Variants in FER observed in about 807,000 individuals in gnomAD.
FER encodes FER tyrosine kinase.
A neutral mutation model predicts 111.0 loss-of-function variants in FER; 63 were observed. That is an observed-to-expected ratio of 0.57 (90% CI 0.46 to 0.70). FER has a LOEUF of 0.70. Among genes scored for constraint, FER ranks in the 30% least tolerant of loss-of-function variants. The pLI, the probability that FER is intolerant of heterozygous loss-of-function variation, is 0.00. For missense variants in FER, 914 were observed against 954.0 expected, an observed-to-expected ratio of 0.96 and a Z score of 0.55; for synonymous variants, 327 against 313.9, an observed-to-expected ratio of 1.04 and a Z score of -0.44.
At chr5:108,875,227 A>G (rs920600053) in intron 8 of FER, among the ~76,000 whole-genome samples, 22 of 152,144 alleles carry the variant, frequency 1.4e-4, no homozygotes, top group African/African-American at 2.2e-4. Flanking sequence ...GTCAAAGGCT[A>G]TTTCTCAGCT....
At chr5:108,907,808 G>T (rs1751004020) in intron 10 of FER, among the ~76,000 whole-genome samples, 1 of 151,788 alleles carries the variant, frequency 6.6e-6, no homozygotes, top group African/African-American at 2.4e-5. Flanking sequence ...TCTTCAGTTT[G>T]TTTTCTTTTC....
intron 17 of FER, among the ~76,000 whole-genome samples, chr5:109,140,243 C>T (rs1459471600): frequency 6.6e-6 from 1 of 152,104 alleles, no homozygotes; most frequent in Non-Finnish European, 1.5e-5. Context: ...CAGAATTTTA[C>T]CTGTACTAAA....
At chr5:109,022,458 A>G (rs1768058488) in intron 13 of FER, among the ~76,000 whole-genome samples, 2 of 152,162 alleles carry the variant, frequency 1.3e-5, no homozygotes, top group Admixed American at 6.6e-5. Context: ...GTTCTAGTGC[A>G]GAAGTCTTGA....
chr5:108,953,613 G>A (rs1758042138), intron 11 of FER, among the ~76,000 whole-genome samples: 1 of 151,828 alleles, frequency 6.6e-6, no homozygotes, highest in South Asian at 2.1e-4. Context: ...TCAGTGGTAC[G>A]AAACAATAAA....
chr5:108,753,755 C>T (rs1035496380), intron 1 of FER, among the ~76,000 whole-genome samples: 12 of 152,022 alleles, frequency 7.9e-5, no homozygotes, highest in African/African-American at 2.9e-4. Context: ...ATTGTGTGTT[C>T]TGTAAATACA....
At position 108,954,713 on chromosome 5, in the gene FER, TTA is replaced by T. The variant is rs1283641484; in HGVS notation, c.1330-15_1330-14del. On this transcript the variant is annotated splice_polypyrimidine_tract_variant and intron_variant, in intron 11 of 19. Coordinates refer to ENST00000281092, the MANE Select transcript of FER (RefSeq NM_005246.4). ...TTTTCTCTAATTTAGTTTTTTTTTT[TTA>T]ATATTTGTTTAAGCTTTCTGATATG... 1 of 1,480,642 alleles carries T rather than the reference TTA, an allele frequency of 6.8e-7. No individual in the cohort carries two copies. The highest frequency in any genetic ancestry group is 9.0e-7 in the Non-Finnish European group (1 of 1,115,034). The allele number at this position is 1,480,642 out of a possible 1,614,324, so 91.7% of individuals were successfully genotyped here.
intron 17 of FER, among the ~76,000 whole-genome samples, chr5:109,117,251 C>G (rs1232112590): frequency 6.6e-6 from 1 of 152,176 alleles, no homozygotes; most frequent in East Asian, 1.9e-4. Flanking sequence ...GTCTATTTCT[C>G]TGTACATTGG....
chr5:108,860,578 C>T (rs1763420542), intron 5 of FER, among the ~76,000 whole-genome samples: 1 of 152,192 alleles, frequency 6.6e-6, no homozygotes, highest in African/African-American at 2.4e-5. Context: ...CTACATATCA[C>T]ACTTGAATTT....
chr5:108,918,852 G>A (rs893011274), intron 10 of FER, among the ~76,000 whole-genome samples: 3 of 152,172 alleles, frequency 2.0e-5, no homozygotes, highest in Admixed American at 6.6e-5. Context: ...GTTTGGATAT[G>A]CAATGGATAA....
intron 5 of FER, among the ~76,000 whole-genome samples, chr5:108,863,270 C>G (rs1027588884): frequency 1.3e-5 from 2 of 152,122 alleles, no homozygotes; most frequent in African/African-American, 4.8e-5. Flanking sequence ...CAGGCATGCA[C>G]CACCACACCT....
At chr5:108,987,629 T>C (rs562476431) in intron 13 of FER, among the ~76,000 whole-genome samples, 11 of 152,304 alleles carry the variant, frequency 7.2e-5, no homozygotes, top group Non-Finnish European at 1.0e-4. Flanking sequence ...TACTGATTTG[T>C]GTACATTAAT....
In FER at chr5:109,118,955, C is replaced by A. The variant is rs908785944; in HGVS notation, c.2048+18436C>A. On this transcript the variant is annotated intron_variant, in intron 17 of 19. Transcript: ENST00000281092. ...TTGTTGATCTTTTGAAAAAAAAAAA[C>A]CAGCTGCTGGATTCATTGATTTTTT... Among the ~76,000 whole-genome samples the A allele has an allele frequency of 3.8e-4, 58 of 150,764 alleles. 1 individual carries two copies. The highest frequency in any genetic ancestry group is 6.3e-4 in the South Asian group (3 of 4,754).
rs760865580 is a variant in FER, at chr5:108,774,825, T to A, written c.-60+6587T>A. On this transcript the variant is annotated intron_variant, in intron 2 of 19. Transcript: ENST00000281092. ...TCACATGGGTAGATTGCAAAAATTT[T>A]CTCCCATTCTGTAGGTTGCCTGTTC... Among the ~76,000 whole-genome samples, 67 of 152,140 alleles carry A rather than the reference T, an allele frequency of 4.4e-4. 1 individual carries two copies. Among genetic ancestry groups the A allele is most frequent in the Admixed American group, 2.0e-3 (30 of 15,274 alleles).
intron 16 of FER, among the ~76,000 whole-genome samples, chr5:109,090,387 G>C (rs1778034771): frequency 6.6e-6 from 1 of 152,146 alleles, no homozygotes; most frequent in African/African-American, 2.4e-5. Flanking sequence ...ATAAAGATTT[G>C]TAGTGGTGGC....
chr5:108,824,589 TG>T (rs1309673686), intron 3 of FER, among the ~76,000 whole-genome samples: 1 of 152,172 alleles, frequency 6.6e-6, no homozygotes, highest in Non-Finnish European at 1.5e-5. Flanking sequence ...ATTTCTTTTT[TG>T]GATAGTTTGT....
intron 10 of FER, among the ~76,000 whole-genome samples, chr5:108,903,520 C>G (rs1750334917): frequency 6.6e-6 from 1 of 152,088 alleles, no homozygotes; most frequent in African/African-American, 2.4e-5. Flanking sequence ...CAAAGATTAG[C>G]CAGACATGGT....
intron 13 of FER, among the ~76,000 whole-genome samples, chr5:108,997,472 C>G (rs1764148447): frequency 6.6e-6 from 1 of 150,384 alleles, no homozygotes; most frequent in African/African-American, 2.4e-5. Context: ...TCCAAATATA[C>G]ACTCATGTCA....
At chr5:109,179,660 A>G (rs1398974185) in intron 17 of FER, among the ~76,000 whole-genome samples, 7 of 152,184 alleles carry the variant, frequency 4.6e-5, no homozygotes, top group Non-Finnish European at 1.0e-4. Context: ...TAAACATACA[A>G]ACTTCCTTGT....
chr5:108,936,058 A>G (rs1454636789), intron 10 of FER, among the ~76,000 whole-genome samples: 1 of 152,072 alleles, frequency 6.6e-6, no homozygotes, highest in Non-Finnish European at 1.5e-5. Context: ...AAAAATTTGT[A>G]TTAAAGCTGA....
Sources: allele counts gnomAD v4.1 joint callset (sites outside exome capture counted in the v4.1 genomes callset), GRCh38; gene constraint gnomAD v4.1.1; transcripts MANE v1.5; gene names NCBI Gene and HGNC (gene_info 2026-07-23, HGNC 2026-07-21).